The following PSMC5 variants were observed in gnomAD, a reference collection of about 807,000 sequenced individuals.
PSMC5 encodes the protein proteasome 26S subunit, ATPase 5.
A neutral mutation model predicts 49.1 loss-of-function variants in PSMC5; 11 were observed. The ratio of observed to expected loss-of-function variants is 0.22; its 90% CI spans 0.14 to 0.37. The LOEUF (loss-of-function observed/expected upper bound fraction) is 0.37, where lower values mean the gene tolerates loss of function less well. Among genes scored for constraint, PSMC5 ranks in the 10% least tolerant of loss-of-function variants. The probability of loss-of-function intolerance (pLI) is 1.00; values close to 1 mark genes in which losing one functional copy is unlikely to be tolerated. For synonymous variants in PSMC5, 206 were observed against 192.2 expected, an observed-to-expected ratio of 1.07 and a Z score of -0.59; for missense variants, 229 against 520.9, an observed-to-expected ratio of 0.44 and a Z score of 5.45.
intron 1 of PSMC5, chr17:63,827,826 C>T: frequency 7.0e-7 from 1 of 1,428,758 alleles, no homozygotes; most frequent in East Asian, 2.5e-5. Flanking sequence ...GCTCCTTCGT[C>T]AGTACTGACA....
chr17:63,830,787 G>A lies in PSMC5; in HGVS notation c.553-22G>A. ...AATGAGGGGTGTAGCTTTCTGCCCT[G>A]AGTCCTGCTGTTCCCCTGTAGGGAG... On this transcript the variant is annotated intron_variant, in intron 6 of 11. Transcript: ENST00000310144. The surrounding 1 kb of genome is among the most constrained non-coding windows in gnomAD (Gnocchi z 4.0). 7 of 1,613,356 alleles carry A rather than the reference G, an allele frequency of 4.3e-6. No individual in the cohort carries two copies. The highest frequency in any genetic ancestry group is 5.1e-6 in the Non-Finnish European group (6 of 1,179,762).
At position 63,831,625 on chromosome 17, in the gene PSMC5, A is replaced by T; in HGVS notation, c.1080+9A>T. ...CAGGGGCTGAAGTGAAGGTAATTGG[A>T]GTACCCACTGAAAACAGGGCAGAGG... On this transcript the variant is annotated intron_variant, in intron 10 of 11. Coordinates refer to ENST00000310144, the MANE Select transcript of PSMC5 (RefSeq NM_002805.6). The surrounding 1 kb of genome is among the most constrained non-coding windows in gnomAD (Gnocchi z 6.3). The T allele has an allele frequency of 1.2e-6, 2 of 1,613,824 alleles. No individual in the cohort carries two copies. The highest frequency in any genetic ancestry group is 8.5e-7 in the Non-Finnish European group (1 of 1,179,828).
intron 2 of PSMC5, 173 bp from the exon 3 acceptor site, chr17:63,829,321 A>G: frequency 4.8e-6 from 3 of 621,758 alleles, no homozygotes; most frequent in South Asian, 3.8e-5. Context: ...GTCCAGAGGG[A>G]CTCTTGAAGG....
rs181100357 is a variant in PSMC5 at position 63,830,607 on chromosome 17, C to T, written c.552+106C>T. 820 of 1,512,064 alleles carry T rather than the reference C, an allele frequency of 5.4e-4. 3 individuals carry two copies. The African/African-American group carries it at 0.01, about 19-fold the overall frequency. 93.7% of individuals were successfully genotyped at this position (1,512,064 alleles called of 1,614,324 possible). On this transcript the variant is annotated intron_variant, in intron 6 of 11. Transcript: ENST00000310144. This position sits in a 1 kb window ranked among gnomAD's most constrained non-coding sequence, Gnocchi z 4.0. ...AGGCACCGGGATAGGCTGCATCTTGCTTGGGCTGGCCCTCCCCCTGAAAAG... is the reference window on the plus strand; with the variant it reads ...AGGCACCGGGATAGGCTGCATCTTGTTTGGGCTGGCCCTCCCCCTGAAAAG...
chr17:63,831,910 C>T lies in PSMC5; in HGVS notation c.1168-6C>T, dbSNP rs370378016. 21 of 1,613,790 alleles carry T rather than the reference C, an allele frequency of 1.3e-5. No homozygotes were observed. In the South Asian group the frequency reaches 1.6e-4, roughly 13 times the overall value. On this transcript the variant is annotated splice_region_variant and splice_polypyrimidine_tract_variant and intron_variant, in intron 11 of 11. Transcript: ENST00000310144. This position sits in a 1 kb window ranked among gnomAD's most constrained non-coding sequence, Gnocchi z 6.3. ...ACTTAATGTTCATTCTCTCTCCCAC[C>T]CCTAGGTCATGCAGAAGGACAGTGA...
In PSMC5 at chr17:63,827,900, C is replaced by T. The variant is rs1393380053; in HGVS notation, c.25-238C>T. The T allele has an allele frequency of 1.6e-5, 22 of 1,410,390 alleles. No homozygotes were observed. The East Asian group carries it at 4.3e-4, about 28-fold the overall frequency. 87.4% of individuals were successfully genotyped at this position (1,410,390 alleles called of 1,614,324 possible). A position where few individuals can be genotyped will look rare whatever the true frequency, so the allele number is the denominator to read the frequency against. ...CCCCCGTCTATATCATATCGCCTCT[C>T]GGTCCTCCTAAAAGTCGTATGAGGT... is the stretch of plus-strand genomic sequence containing the variant. On this transcript the variant is annotated intron_variant, in intron 1 of 11. Transcript: ENST00000310144.
chr17:63,831,457 G>C lies in PSMC5; in HGVS notation c.969+32G>C, dbSNP rs769524710. 1 of 1,612,916 alleles carries C rather than the reference G, an allele frequency of 6.2e-7. No individual in the cohort carries two copies. Among genetic ancestry groups the C allele is most frequent in the Non-Finnish European group, 8.5e-7 (1 of 1,179,086 alleles). ...GATGGACACTGTGCAAAGTGGCTCT[G>C]GCTGTGGGGGTGGGGTGTGGGGCTC... is the stretch of plus-strand genomic sequence containing the variant. On this transcript the variant is annotated intron_variant, in intron 9 of 11. Transcript: ENST00000310144. This position sits in a 1 kb window ranked among gnomAD's most constrained non-coding sequence, Gnocchi z 6.3.
rs941588083 is a variant in PSMC5, at chr17:63,830,564, C to G, written c.552+63C>G. The G allele has an allele frequency of 1.3e-6, 2 of 1,583,050 alleles. No individual in the cohort carries two copies. Among genetic ancestry groups the G allele is most frequent in the African/African-American group, 1.3e-5 (1 of 74,364 alleles). On this transcript the variant is annotated intron_variant, in intron 6 of 11. Coordinates refer to ENST00000310144, the MANE Select transcript of PSMC5 (RefSeq NM_002805.6). This position sits in a 1 kb window ranked among gnomAD's most constrained non-coding sequence, Gnocchi z 4.0. Reference sequence around the variant, plus strand: ...CTTACTCCTCCTGCCCCAGCCAGCCCTACTGCAGGGGTTGGGGAGGCACCG... The same window carrying G: ...CTTACTCCTCCTGCCCCAGCCAGCCGTACTGCAGGGGTTGGGGAGGCACCG...
intron 2 of PSMC5, chr17:63,828,563 G>C: frequency 4.6e-6 from 1 of 217,630 alleles, no homozygotes; most frequent in South Asian, 6.3e-5. Flanking sequence ...ATCACCAAGA[G>C]GTTGGGTGAG....
rs770166652 is a variant in PSMC5 at position 63,831,304 on chromosome 17, C to T, written c.871-23C>T. 29 of 1,612,934 alleles carry T rather than the reference C, an allele frequency of 1.8e-5. No homozygotes were observed. The highest frequency in any genetic ancestry group is 2.4e-5 in the Non-Finnish European group (28 of 1,179,360). On this transcript the variant is annotated intron_variant, in intron 8 of 11. Coordinates refer to ENST00000310144, the MANE Select transcript of PSMC5 (RefSeq NM_002805.6). The surrounding 1 kb of genome is among the most constrained non-coding windows in gnomAD (Gnocchi z 6.3). ...AGGCTGAGGAAGAGGTTTAGCTGAT[C>T]CCCACTTGCTTTCTCTGCTCAGGTT...
At position 63,830,736 on chromosome 17, in the gene PSMC5, G is replaced by A; in HGVS notation, c.553-73G>A. 1 of 1,573,996 alleles carries A rather than the reference G, an allele frequency of 6.4e-7. No homozygotes were observed. Among genetic ancestry groups the A allele is most frequent in the Admixed American group, 1.8e-5 (1 of 55,404 alleles). On this transcript the variant is annotated intron_variant, in intron 6 of 11. Coordinates refer to ENST00000310144, the MANE Select transcript of PSMC5 (RefSeq NM_002805.6). The surrounding 1 kb of genome is among the most constrained non-coding windows in gnomAD (Gnocchi z 4.0). Reference sequence around the variant, plus strand: ...TCCCTAACATCTAGCAAGGGACCCAGCACTCGGTAAATGTTCACTGAATGA... The same window carrying A: ...TCCCTAACATCTAGCAAGGGACCCAACACTCGGTAAATGTTCACTGAATGA...
At chr17:63,829,371 A>G (rs563477810) in intron 2 of PSMC5, 123 bp from the exon 3 acceptor site, 1 of 824,176 alleles carries the variant, frequency 1.2e-6, no homozygotes, top group Non-Finnish European at 2.0e-6. Flanking sequence ...AGAATCTGAA[A>G]CAACATGCAG....
At chr17:63,827,947 A>G (rs1232908843) in intron 1 of PSMC5, 191 bp from the exon 2 acceptor site, 12 of 1,316,634 alleles carry the variant, frequency 9.1e-6, no homozygotes, top group African/African-American at 1.5e-5. Flanking sequence ...CCATTCTTTT[A>G]TTTTAGTCCT....
Position 63,828,152 on chromosome 17 carries a change from G to A in PSMC5, c.39G>A (p.Glu13=). The change falls in exon 2 of 12, where the codon GAG becomes GAA. Residue 13 remains glutamate, a synonymous_variant. Coordinates refer to ENST00000310144, the MANE Select transcript of PSMC5 (RefSeq NM_002805.6). ...LDGPEQMELE[E]GKAGSGLRQY... ...TGTGTCTTCAGATGGAGCTGGAGGA[G>A]GGGAAGGCAGGCAGCGGACTCCGCC... 6.2e-7 allele frequency: 1 copy of A among 1,614,156 alleles called. No homozygotes were observed. The highest frequency in any genetic ancestry group is 8.5e-7 in the Non-Finnish European group (1 of 1,180,030).
Position 63,831,217 on chromosome 17 carries a change from G to A in PSMC5, c.861G>A (p.Lys287=). ...AGCTCGACGGCTTTGAGGCCACCAA[G>A]AACATCAAGGTAAGGTGGTAGCATC... is the stretch of plus-strand genomic sequence containing the variant. ...LNQLDGFEAT[K]NIKVIMATNR... Residue 287 remains lysine (K), a synonymous_variant, in exon 8 of 12, where the codon AAG becomes AAA. Coordinates refer to ENST00000310144, the MANE Select transcript of PSMC5 (RefSeq NM_002805.6). The surrounding 1 kb of genome is among the most constrained non-coding windows in gnomAD (Gnocchi z 6.3). The A allele has an allele frequency of 6.3e-7, 1 of 1,575,164 alleles. No individual in the cohort carries two copies. The highest frequency in any genetic ancestry group is 8.6e-7 in the Non-Finnish European group (1 of 1,158,750).
At chr17:63,828,303 G>A in intron 2 of PSMC5, 94 bp downstream of exon 2, 1 of 1,234,718 alleles carries the variant, frequency 8.1e-7, no homozygotes, top group East Asian at 2.4e-5. Context: ...GGAGTGCAGT[G>A]GAAGAAGCTG....
At chr17:63,827,657 C>G (rs2040126109) in intron 1 of PSMC5, 143 bp downstream of exon 1, 1 of 1,502,330 alleles carries the variant, frequency 6.7e-7, no homozygotes, top group East Asian at 2.5e-5. Context: ...TGCCTGCGAC[C>G]GGATCTGCTG....
intron 1 of PSMC5, chr17:63,827,819 C>T (rs2040129206): frequency 7.0e-7 from 1 of 1,428,514 alleles, no homozygotes; most frequent in African/African-American, 1.4e-5. Context: ...TCCGCTGGCT[C>T]CTTCGTCAGT....
chr17:63,829,787 T>C (rs1404636133), intron 3 of PSMC5, 65 bp from the exon 4 acceptor site: 1 of 1,516,142 alleles, frequency 6.6e-7, no homozygotes, highest in African/African-American at 1.4e-5. Flanking sequence ...CTCATGCACG[T>C]AGAATTGGGT....
Sources: gnomAD v4.1 joint callset for allele counts on GRCh38, gnomAD v4.1.1 for gene constraint, Gnocchi (gnomAD v3.1) non-coding constraint, MANE v1.5 for transcripts, NCBI Gene and HGNC (gene_info 2026-07-23, HGNC 2026-07-21) for gene names.